The following GALNT13 variants were observed in gnomAD, a reference collection of about 807,000 sequenced individuals.
GALNT13 encodes the protein polypeptide N-acetylgalactosaminyltransferase 13, also known as UDP-GalNAc:polypeptide N-acetylgalactosaminyltransferase 13.
Under a neutral mutation model 64.2 loss-of-function variants are expected in GALNT13, and 28 were observed. The observed-to-expected ratio is 0.44, with a 90% CI of 0.32 to 0.60. The LOEUF is 0.60. Among genes scored for constraint, GALNT13 ranks in the 20% least tolerant of loss-of-function variants. The pLI, the probability that GALNT13 is intolerant of heterozygous loss-of-function variation, is 0.05. For missense variants in GALNT13, 577 were observed against 669.8 expected (o/e 0.86, Z 1.53); for synonymous variants, 214 against 224.6 (o/e 0.95, Z 0.42).
chr2:153,961,931 T>G (rs1477376890), intron 3 of GALNT13, among the ~76,000 whole-genome samples: 2 of 152,204 alleles, frequency 1.3e-5, no homozygotes, highest in East Asian at 3.8e-4. Context: ...GCCTGGCTTA[T>G]AGTGGGTGCT....
At chr2:154,117,027 G>A (rs1397698288) in intron 3 of GALNT13, among the ~76,000 whole-genome samples, 1 of 152,156 alleles carries the variant, frequency 6.6e-6, no homozygotes, top group African/African-American at 2.4e-5. Flanking sequence ...AGAGTCCGAT[G>A]TTCAAGGGCA....
the GALNT13 span, among the ~76,000 whole-genome samples, chr2:153,551,506 A>G: frequency 2.6e-5 from 4 of 152,352 alleles, no homozygotes; most frequent in African/African-American, 9.6e-5. Context: ...AATACAGAGA[A>G]GAGATGATTA....
chr2:153,157,028 T>C, the GALNT13 span, among the ~76,000 whole-genome samples: 7 of 152,168 alleles, frequency 4.6e-5, no homozygotes, highest in Admixed American at 4.6e-4. Flanking sequence ...AGGTAGAAGA[T>C]GTGACTTTTA....
chr2:153,981,847 A>G (rs530328888), intron 3 of GALNT13, among the ~76,000 whole-genome samples: 2 of 152,198 alleles, frequency 1.3e-5, no homozygotes, highest in African/African-American at 4.8e-5. Context: ...GTCCTCTCTC[A>G]GACATAGAAT....
the GALNT13 span, among the ~76,000 whole-genome samples, chr2:153,151,530 T>G: frequency 3.3e-5 from 5 of 152,104 alleles, no homozygotes; most frequent in Admixed American, 3.3e-4. Flanking sequence ...CACATGCACA[T>G]GTATGTTTAT....
intron 2 of GALNT13, among the ~76,000 whole-genome samples, 154 bp downstream of exon 2, chr2:153,901,161 T>C (rs892405237): frequency 3.9e-5 from 6 of 152,086 alleles, no homozygotes; most frequent in African/African-American, 9.7e-5. Flanking sequence ...ATTTCTGGGG[T>C]CTTTATTCTG....
At chr2:153,941,250 C>T (rs888807144) in intron 2 of GALNT13, among the ~76,000 whole-genome samples, 1 of 152,162 alleles carries the variant, frequency 6.6e-6, no homozygotes, top group African/African-American at 2.4e-5. Flanking sequence ...CCCGCCTCAG[C>T]CTCCCAGAGT....
chr2:153,988,557 T>G (rs1334861988), intron 3 of GALNT13, among the ~76,000 whole-genome samples: 2 of 152,002 alleles, frequency 1.3e-5, no homozygotes, highest in Non-Finnish European at 2.9e-5. Context: ...GCACTTTCCT[T>G]ATCCATTTAT....
the GALNT13 span, among the ~76,000 whole-genome samples, chr2:153,706,277 G>A: frequency 6.6e-6 from 1 of 152,046 alleles, no homozygotes; most frequent in South Asian, 2.1e-4. Context: ...TTACAGACGT[G>A]AGCTACTGCA....
chr2:153,872,967 C>T (rs1231610309), intron 1 of GALNT13, among the ~76,000 whole-genome samples: 1 of 152,092 alleles, frequency 6.6e-6, no homozygotes, highest in Non-Finnish European at 1.5e-5. Context: ...TTCTGTTTCC[C>T]TCTTTCTTTC....
chr2:153,798,427 C>T, the GALNT13 span, among the ~76,000 whole-genome samples: 2 of 152,090 alleles, frequency 1.3e-5, no homozygotes, highest in African/African-American at 2.4e-5. Flanking sequence ...TATATATGTT[C>T]ATGTTTGCAT....
intron 4 of GALNT13, among the ~76,000 whole-genome samples, chr2:154,142,592 A>G (rs1683324474): frequency 6.6e-6 from 1 of 151,328 alleles, no homozygotes; most frequent in African/African-American, 2.4e-5. Context: ...AAGAAAAAAG[A>G]AAACCCTGTT....
chr2:154,328,320 TGAG>T (rs1204140872), intron 9 of GALNT13, among the ~76,000 whole-genome samples: 1 of 152,158 alleles, frequency 6.6e-6, no homozygotes, highest in African/African-American at 2.4e-5. Context: ...TATATTGCAC[TGAG>T]ATTTATTTTT....
chr2:154,189,456 C>A (rs1298386445), intron 4 of GALNT13, among the ~76,000 whole-genome samples: 2 of 128,852 alleles, frequency 1.6e-5, no homozygotes, highest in African/African-American at 6.2e-5. Flanking sequence ...CACTTTCTCT[C>A]TTCTCACGTG....
the GALNT13 span, chr2:153,762,031 C>T: frequency 6.4e-6 from 1 of 155,142 alleles, no homozygotes; most frequent in Non-Finnish European, 1.4e-5. Flanking sequence ...AATCTTTTCC[C>T]CTCAAACTAT....
chr2:153,547,516 TAG>T, the GALNT13 span, among the ~76,000 whole-genome samples: 3 of 152,170 alleles, frequency 2.0e-5, no homozygotes, highest in Non-Finnish European at 4.4e-5. Context: ...AAGCCACAGG[TAG>T]AGTCTTAATA....
chr2:153,359,576 A>G, the GALNT13 span, among the ~76,000 whole-genome samples: 2 of 138,872 alleles, frequency 1.4e-5, no homozygotes, highest in Non-Finnish European at 3.1e-5. Flanking sequence ...GAGAGTGAAG[A>G]TGTGAGCACT....
At chr2:154,168,921 A>G (rs77299766) in intron 4 of GALNT13, among the ~76,000 whole-genome samples, 2,122 of 152,246 alleles carry the variant, frequency 0.014, 54 homozygotes, top group African/African-American at 0.048. Context: ...TACACGAAGC[A>G]TGGTGCCAGC....
chr2:153,652,767 T>C, the GALNT13 span, among the ~76,000 whole-genome samples: 2 of 152,168 alleles, frequency 1.3e-5, no homozygotes, highest in Non-Finnish European at 2.9e-5. Flanking sequence ...TTCTTTCTAG[T>C]TCCTTCACCA....
Sources: gnomAD v4.1 joint callset for allele counts (sites outside exome capture counted in the v4.1 genomes callset) on GRCh38, gnomAD v4.1.1 for gene constraint, MANE v1.5 for transcripts, NCBI Gene and HGNC (gene_info 2026-07-23, HGNC 2026-07-21) for gene names.